CDK15: variants seen among roughly 807,000 people sequenced by gnomAD.
CDK15 encodes the protein cyclin-dependent kinase 15.
CDK15 carries 62 observed loss-of-function variants against 60.3 expected under a neutral mutation model. That is an observed-to-expected ratio of 1.03 (90% CI 0.84 to 1.27). The LOEUF is 1.27. CDK15 is among the 50% of genes most tolerant of loss of function. The probability of loss-of-function intolerance (pLI) is 0.00; values close to 1 mark genes in which losing one functional copy is unlikely to be tolerated. For synonymous variants in CDK15, 194 were observed against 195.7 expected, an observed-to-expected ratio of 0.99 and a Z score of 0.07; for missense variants, 541 against 527.8, an observed-to-expected ratio of 1.03 and a Z score of -0.25.
chr2:201,808,325 A>C (rs1201372480), intron 3 of CDK15, among the ~76,000 whole-genome samples: 1 of 152,150 alleles, frequency 6.6e-6, no homozygotes, highest in Non-Finnish European at 1.5e-5. Flanking sequence ...CCTAAATCAC[A>C]ATGACAGAGG....
chr2:201,839,555 G>C (rs1433705070), intron 8 of CDK15, among the ~76,000 whole-genome samples: 1 of 152,060 alleles, frequency 6.6e-6, no homozygotes, highest in Non-Finnish European at 1.5e-5. Context: ...TAATTGCACT[G>C]TTGTTATGTA....
chr2:201,890,176 C>T (rs1011141383), intron 12 of CDK15, among the ~76,000 whole-genome samples: 1 of 152,122 alleles, frequency 6.6e-6, no homozygotes, highest in Admixed American at 6.5e-5. Flanking sequence ...CTCTAACTAA[C>T]GTCCGGACTC....
chr2:201,844,035 G>T (rs1697528745), intron 8 of CDK15, among the ~76,000 whole-genome samples: 2 of 152,102 alleles, frequency 1.3e-5, no homozygotes, highest in Non-Finnish European at 2.9e-5. Context: ...TGAATTACAG[G>T]TTTAAACCTA....
chr2:201,886,335 T>C (rs1260356227), intron 12 of CDK15, among the ~76,000 whole-genome samples: 1 of 152,090 alleles, frequency 6.6e-6, no homozygotes, highest in Non-Finnish European at 1.5e-5. Flanking sequence ...AGATTTTTTT[T>C]TTTTTTTGAG....
intron 9 of CDK15, among the ~76,000 whole-genome samples, chr2:201,852,524 T>A (rs1239467814): frequency 6.6e-6 from 1 of 152,254 alleles, no homozygotes; most frequent in African/African-American, 2.4e-5. Context: ...TCATAAATAA[T>A]CCTGGATTTA....
chr2:201,883,799 A>G (rs1261509481), intron 12 of CDK15, among the ~76,000 whole-genome samples: 1 of 152,236 alleles, frequency 6.6e-6, no homozygotes. Flanking sequence ...CCAGCAGGGC[A>G]GGACGTCAGC....
At chr2:201,830,556 C>A (rs1432961609) in intron 6 of CDK15, among the ~76,000 whole-genome samples, 1 of 152,044 alleles carries the variant, frequency 6.6e-6, no homozygotes, top group African/African-American at 2.4e-5. Flanking sequence ...TAGTGTGTGA[C>A]CACGGGAGTT....
chr2:201,890,823 C>G lies in CDK15; in HGVS notation c.1237C>G (p.Pro413Ala), dbSNP rs1429884522. 17 of 1,613,504 alleles carry G rather than the reference C, an allele frequency of 1.1e-5. No homozygotes were observed. Among genetic ancestry groups the G allele is most frequent in the Non-Finnish European group, 1.4e-5 (17 of 1,179,694 alleles). Reference sequence around the variant, plus strand: ...TACAGTTTCAGGAGTGAGGCTAAAGCCAGAAATGTGTGACCTTTTGGCCTC... The same window carrying G: ...TACAGTTTCAGGAGTGAGGCTAAAGGCAGAAATGTGTGACCTTTTGGCCTC... ...LFTVSGVRLK[P>A]EMCDLLASYQ... The change falls in exon 13 of 14, where the codon CCA (proline) becomes GCA (alanine). Residue 413 changes from proline (P) to alanine (A), a missense_variant. By Grantham distance (27) the Pro-to-Ala change is conservative (BLOSUM62 -1). Coordinates refer to ENST00000652192, the MANE Select transcript of CDK15 (RefSeq NM_001366386.2).
chr2:201,863,887 C>T (rs10931976), intron 10 of CDK15, among the ~76,000 whole-genome samples: 23,477 of 152,086 alleles, frequency 0.15, 3,024 homozygotes, highest in African/African-American at 0.35. Context: ...CAGAGTGAGA[C>T]TCCATCTCAG....
At position 201,833,771 on chromosome 2, in the gene CDK15, T is replaced by C; in HGVS notation, c.607-77T>C. 2.1e-6 allele frequency: 3 copies of C among 1,458,720 alleles called. No homozygotes were observed. The Admixed American group carries it at 5.7e-5, about 28-fold the overall frequency. The allele number at this position is 1,458,720 out of a possible 1,614,324, so 90.4% of individuals were successfully genotyped here. A position where few individuals can be genotyped will look rare whatever the true frequency, so the allele number is the denominator to read the frequency against. Reference sequence around the variant, plus strand: ...GACACTTTTACTATATTCTTTGAGATGACTGTTTTTGATTTAGAGGCGAAA... The same window carrying C: ...GACACTTTTACTATATTCTTTGAGACGACTGTTTTTGATTTAGAGGCGAAA... On this transcript the variant is annotated intron_variant, in intron 6 of 13. Coordinates refer to ENST00000652192, the MANE Select transcript of CDK15 (RefSeq NM_001366386.2).
chr2:201,844,299 G>A (rs1447285583), intron 8 of CDK15, among the ~76,000 whole-genome samples: 2 of 152,150 alleles, frequency 1.3e-5, no homozygotes, highest in South Asian at 2.1e-4. Flanking sequence ...TGCATGTGGC[G>A]AAGTCATGGG....
At position 201,895,482 on chromosome 2, in the gene CDK15, A is replaced by G. The variant is rs1396145159; in HGVS notation, c.*2215A>G. On this transcript the variant is annotated 3_prime_UTR_variant, in exon 14 of 14. Coordinates refer to ENST00000652192, the MANE Select transcript of CDK15 (RefSeq NM_001366386.2). ...ATTCAAAAGCTTAATAAATGTTATA[A>G]GACTCTAAAACATTTAAATCTTTCA... 1.3e-5 allele frequency: 2 copies of G among 152,242 alleles called. No homozygotes were observed. The highest frequency in any genetic ancestry group is 2.9e-5 in the Non-Finnish European group (2 of 68,036). The allele number at this position is 152,242 out of a possible 1,614,324, so 9.4% of individuals were successfully genotyped here. A position where few individuals can be genotyped will look rare whatever the true frequency, so the allele number is the denominator to read the frequency against.
chr2:201,888,328 C>G (rs986413429), intron 12 of CDK15: 1 of 1,350,476 alleles, frequency 7.4e-7, no homozygotes, highest in Non-Finnish European at 9.7e-7. Context: ...CTCATTATCT[C>G]GTTCCGAAAT....
At position 201,833,758 on chromosome 2, in the gene CDK15, A is replaced by G. The variant is rs1273623800; in HGVS notation, c.607-90A>G. 8 of 1,166,380 alleles carry G rather than the reference A, an allele frequency of 6.9e-6. No homozygotes were observed. The Admixed American group carries it at 1.9e-4, about 27-fold the overall frequency. The allele number at this position is 1,166,380 out of a possible 1,614,324, so 72.3% of individuals were successfully genotyped here. On this transcript the variant is annotated intron_variant, in intron 6 of 13. Transcript: ENST00000652192. ...TGGTCTCTCAAGAGACACTTTTACT[A>G]TATTCTTTGAGATGACTGTTTTTGA...
At chr2:201,829,830 G>A (rs1317743170) in intron 6 of CDK15, among the ~76,000 whole-genome samples, 2 of 150,696 alleles carry the variant, frequency 1.3e-5, no homozygotes, top group African/African-American at 2.4e-5. Flanking sequence ...ATTTTTAGAT[G>A]GGAGTCTCGC....
chr2:201,880,080 T>C lies in CDK15; in HGVS notation c.1111T>C (p.Phe371Leu). 2 of 1,614,146 alleles carry C rather than the reference T, an allele frequency of 1.2e-6. No individual in the cohort carries two copies. The highest frequency in any genetic ancestry group is 1.7e-6 in the Non-Finnish European group (2 of 1,180,004). ...CCTGGCCTCCCAGATGCTAAAAGGC[T>C]TTCCCAGAGACCGCGTCTCCGCCCA... The part of the protein sequence containing the change: ...EDLASQMLKG[F>L]PRDRVSAQEA... The change falls in exon 12 of 14, where the codon TTT becomes CTT. Residue 371 changes from phenylalanine to leucine, a missense_variant. Physicochemically the swap from Phe to Leu is conservative, Grantham distance 22. Transcript: ENST00000652192.
At chr2:201,808,887 T>C (rs951722241) in intron 3 of CDK15, 5 of 150,844 alleles carry the variant, frequency 3.3e-5, no homozygotes, top group African/African-American at 9.7e-5. Context: ...AACAGGATTG[T>C]AGGGGACATA....
chr2:201,841,187 T>C (rs1316985777), intron 8 of CDK15, among the ~76,000 whole-genome samples: 1 of 152,240 alleles, frequency 6.6e-6, no homozygotes, highest in Non-Finnish European at 1.5e-5. Flanking sequence ...GGCAAAACCA[T>C]AGTTGCTTTT....
intron 6 of CDK15, chr2:201,824,791 G>C: frequency 1.4e-6 from 1 of 694,802 alleles, no homozygotes; most frequent in African/African-American, 1.9e-5. Flanking sequence ...TAAAGAAAAT[G>C]TGAAACACCC....
Sources: allele counts gnomAD v4.1 joint callset (sites outside exome capture counted in the v4.1 genomes callset), GRCh38; gene constraint gnomAD v4.1.1; transcripts MANE v1.5; gene names NCBI Gene and HGNC (gene_info 2026-07-23, HGNC 2026-07-21).